The following CECR2 variants were observed in gnomAD, a reference collection of about 807,000 sequenced individuals.
CECR2 encodes chromatin remodeling regulator CECR2.
CECR2 carries 30 observed loss-of-function variants against 154.5 expected under a neutral mutation model. That is an observed-to-expected ratio of 0.19 (90% CI 0.15 to 0.26). The LOEUF (loss-of-function observed/expected upper bound fraction) is 0.26. CECR2 is among the 10% of genes least tolerant of loss of function. The pLI is 1.00. For synonymous variants in CECR2, 725 were observed against 683.7 expected (o/e 1.06, Z -0.94); for missense variants, 1,743 against 1,829.3 (o/e 0.95, Z 0.86).
At chr22:17,445,571 TTA>T (rs2054647820) in intron 1 of CECR2, among the ~76,000 whole-genome samples, 1 of 147,754 alleles carries the variant, frequency 6.8e-6, no homozygotes, top group Non-Finnish European at 1.5e-5. Context: ...ATTATTATTA[TTA>T]TTATTATTAT....
At chr22:17,445,546 A>T (rs1448226416) in intron 1 of CECR2, among the ~76,000 whole-genome samples, 2 of 22,862 alleles carry the variant, frequency 8.7e-5, no homozygotes, top group Non-Finnish European at 1.4e-4. Context: ...TCTATACTTT[A>T]TTATTATTAT....
intron 16 of CECR2, among the ~76,000 whole-genome samples, chr22:17,547,038 C>CAAAA (rs1167599171): frequency 1.3e-4 from 7 of 53,780 alleles, no homozygotes; most frequent in African/African-American, 3.2e-4. Context: ...GACTCTGCCT[C>CAAAA]AAAAAAAAAA....
At chr22:17,438,855 A>G (rs1485536334) in intron 1 of CECR2, among the ~76,000 whole-genome samples, 2 of 152,122 alleles carry the variant, frequency 1.3e-5, no homozygotes, top group Non-Finnish European at 2.9e-5. Flanking sequence ...GCTAAGAAAA[A>G]AAAGTTGTTT....
intron 1 of CECR2, among the ~76,000 whole-genome samples, chr22:17,374,928 G>A (rs1179259223): frequency 2.6e-5 from 4 of 151,864 alleles, no homozygotes; most frequent in Non-Finnish European, 4.4e-5. Context: ...CTACCACATC[G>A]CACTGCTTCT....
At chr22:17,462,228 C>A (rs1048970317) in intron 1 of CECR2, among the ~76,000 whole-genome samples, 1 of 151,656 alleles carries the variant, frequency 6.6e-6, no homozygotes, top group East Asian at 2.0e-4. Flanking sequence ...TACGGTGAAA[C>A]CCTGTCTCTA....
intron 1 of CECR2, among the ~76,000 whole-genome samples, chr22:17,362,644 C>T (rs1171265582): frequency 6.6e-6 from 1 of 151,740 alleles, no homozygotes; most frequent in Non-Finnish European, 1.5e-5. Context: ...TGGCTCACGC[C>T]TGTAATCCCA....
At chr22:17,481,214 G>A (rs1471166381) in intron 2 of CECR2, among the ~76,000 whole-genome samples, 1 of 144,504 alleles carries the variant, frequency 6.9e-6, no homozygotes. Context: ...GTGGTGGTGG[G>A]CGCCTGTAGT....
chr22:17,490,147 T>TGTGTGTGTGTG (rs1555917191), intron 2 of CECR2, among the ~76,000 whole-genome samples: 10 of 149,780 alleles, frequency 6.7e-5, no homozygotes, highest in African/African-American at 2.2e-4. Flanking sequence ...TGTTTTTTTT[T>TGTGTGTGTGTG]TGTGTGTGTG....
At chr22:17,367,272 T>C (rs917261191), upstream of CECR2, among the ~76,000 whole-genome samples, 10 of 152,296 alleles carry the variant, frequency 6.6e-5, no homozygotes, top group Non-Finnish European at 1.3e-4. Flanking sequence ...GTGTCATTAA[T>C]ATCCTAGGCA....
intron 1 of CECR2, among the ~76,000 whole-genome samples, chr22:17,385,868 C>T (rs773957322): frequency 1.3e-5 from 2 of 152,224 alleles, no homozygotes; most frequent in African/African-American, 2.4e-5. Flanking sequence ...CAGGAAAGGA[C>T]ATTTCTCACT....
intron 6 of CECR2, 96 bp downstream of exon 6, chr22:17,503,227 G>T: frequency 5.0e-6 from 6 of 1,189,940 alleles, no homozygotes; most frequent in Non-Finnish European, 7.2e-6. Context: ...CAAAGTAAAG[G>T]TTATTGCAAT....
At chr22:17,385,799 A>G (rs2063252162) in intron 1 of CECR2, among the ~76,000 whole-genome samples, 1 of 152,238 alleles carries the variant, frequency 6.6e-6, no homozygotes, top group South Asian at 2.1e-4. Context: ...GAAACACAGT[A>G]CAACGAGGTG....
At chr22:17,461,972 T>C (rs1458673175) in intron 1 of CECR2, among the ~76,000 whole-genome samples, 5 of 151,848 alleles carry the variant, frequency 3.3e-5, no homozygotes, top group Non-Finnish European at 7.4e-5. Flanking sequence ...TTTTTATTTT[T>C]AGTAGAGACA....
In CECR2 at chr22:17,369,773, G is replaced by A. The variant is rs2063032284; in HGVS notation, c.-11G>A. The stretch of plus-strand genomic sequence containing the variant: ...GCAGCGAGGGGCCGCCGCCTGTGCC[G>A]CAGCGGGGAGATGTGCCCAGAGGAG... On this transcript the variant is annotated 5_prime_UTR_variant, in exon 1 of 19. Coordinates refer to ENST00000262608, the MANE Select transcript of CECR2 (RefSeq NM_001290047.2). 1 of 150,616 alleles carries A rather than the reference G, an allele frequency of 6.6e-6. No homozygotes were observed. Among genetic ancestry groups the A allele is most frequent in the Non-Finnish European group, 1.5e-5 (1 of 67,546 alleles). 9.3% of individuals were successfully genotyped at this position (150,616 alleles called of 1,614,324 possible). A position where few individuals can be genotyped will look rare whatever the true frequency, so the allele number is the denominator to read the frequency against.
chr22:17,508,180 A>G (rs1012323523), intron 7 of CECR2, among the ~76,000 whole-genome samples: 3 of 152,198 alleles, frequency 2.0e-5, no homozygotes, highest in Non-Finnish European at 4.4e-5. Flanking sequence ...AAAATTTCCT[A>G]TCGTCATAGC....
At chr22:17,480,901 G>T (rs898899202) in intron 2 of CECR2, among the ~76,000 whole-genome samples, 3 of 151,818 alleles carry the variant, frequency 2.0e-5, no homozygotes, top group Non-Finnish European at 1.5e-5. Context: ...TTAGCCAGGC[G>T]TGGTGGTGCA....
At chr22:17,543,912 T>C (rs1162973438) in intron 16 of CECR2, among the ~76,000 whole-genome samples, 2 of 152,200 alleles carry the variant, frequency 1.3e-5, no homozygotes, top group African/African-American at 4.8e-5. Context: ...CTACTGTTAC[T>C]ATCCTTGTTT....
At chr22:17,395,565 T>G (rs1359684059) in intron 1 of CECR2, among the ~76,000 whole-genome samples, 1 of 152,040 alleles carries the variant, frequency 6.6e-6, no homozygotes, top group Non-Finnish European at 1.5e-5. Flanking sequence ...GGCTGGTTTC[T>G]AACTCCTGAT....
intron 1 of CECR2, among the ~76,000 whole-genome samples, chr22:17,398,038 T>A (rs1246605341): frequency 6.6e-6 from 1 of 152,164 alleles, no homozygotes; most frequent in African/African-American, 2.4e-5. Flanking sequence ...CAAGCCCCTC[T>A]TTCATCTTCT....
Sources: gnomAD v4.1 joint callset for allele counts (sites outside exome capture counted in the v4.1 genomes callset) on GRCh38, gnomAD v4.1.1 for gene constraint, MANE v1.5 for transcripts, NCBI Gene and HGNC (gene_info 2026-07-23, HGNC 2026-07-21) for gene names.